The following ELMO1 variants were observed in gnomAD, a reference collection of about 807,000 sequenced individuals.
The protein encoded by ELMO1 is engulfment and cell motility protein 1.
A neutral mutation model predicts 98.9 loss-of-function variants in ELMO1; 26 were observed. The observed-to-expected ratio is 0.26, with a 90% CI of 0.19 to 0.36. ELMO1 has a LOEUF of 0.36. Ranked by LOEUF, ELMO1 falls within the 10% of genes least tolerant of loss-of-function variation. The probability of loss-of-function intolerance (pLI) is 1.00; values close to 1 mark genes in which losing one functional copy is unlikely to be tolerated. For synonymous variants in ELMO1, 346 were observed against 346.0 expected (o/e 1.00, Z 0.00); for missense variants, 627 against 935.2 (o/e 0.67, Z 4.30).
chr7:37,281,255 TA>T (rs142763723), intron 4 of ELMO1, among the ~76,000 whole-genome samples: 18 of 151,408 alleles, frequency 1.2e-4, no homozygotes, highest in Non-Finnish European at 2.4e-4. Context: ...GGGTGAGGGA[TA>T]AAAAAACTAC....
At chr7:37,053,739 T>A (rs1796245159) in intron 15 of ELMO1, among the ~76,000 whole-genome samples, 2 of 152,182 alleles carry the variant, frequency 1.3e-5, no homozygotes, top group South Asian at 4.1e-4. Flanking sequence ...GACAGGGTTG[T>A]CAACAAAAAT....
intron 7 of ELMO1, among the ~76,000 whole-genome samples, chr7:37,234,631 G>A (rs1419539107): frequency 1.3e-5 from 2 of 152,318 alleles, no homozygotes; most frequent in African/African-American, 4.8e-5. Flanking sequence ...AAGTGGGCAA[G>A]TTATGCACCA....
In ELMO1 at chr7:37,340,692, G is replaced by A. The variant is rs909591018; in HGVS notation, c.78+1921C>T. On this transcript the variant is annotated intron_variant, in intron 2 of 21. Transcript: ENST00000310758. ...ATAAATGTAAGCATATACAATCTTT[G>A]TAATTTTCTGTAAATCTAAAATTAT... is the stretch of plus-strand genomic sequence containing the variant. Among the ~76,000 whole-genome samples, 4 of 152,124 alleles carry A rather than the reference G, an allele frequency of 2.6e-5. No individual in the cohort carries two copies. The East Asian group carries it at 7.7e-4, about 29-fold the overall frequency.
intron 13 of ELMO1, among the ~76,000 whole-genome samples, chr7:37,149,430 C>G: frequency 6.6e-6 from 1 of 152,090 alleles, no homozygotes; most frequent in East Asian, 1.9e-4. Context: ...GAGCCAAATG[C>G]TTTTTGTACA....
At chr7:36,866,105 A>G (rs1803014759) in intron 20 of ELMO1, among the ~76,000 whole-genome samples, 1 of 152,236 alleles carries the variant, frequency 6.6e-6, no homozygotes, top group African/African-American at 2.4e-5. Flanking sequence ...TGGTGATTTC[A>G]TGTTGACTGT....
At chr7:37,143,296 C>A (rs991895762) in intron 13 of ELMO1, among the ~76,000 whole-genome samples, 2 of 152,202 alleles carry the variant, frequency 1.3e-5, no homozygotes, top group Non-Finnish European at 2.9e-5. Context: ...GGGCTTTTAA[C>A]CAGGTTGATC....
rs1799072931 is a variant in ELMO1, at chr7:37,314,861, T to C, written c.181A>G (p.Ile61Val). The C allele has an allele frequency of 3.7e-6, 6 of 1,613,388 alleles. No individual in the cohort carries two copies. Among genetic ancestry groups the C allele is most frequent in the African/African-American group, 1.3e-5 (1 of 74,900 alleles). ...TGTAGTTGACCTACCTTTTCTGTGA[T>C]ATAGAAGTTTGAACTATCGGCATGC... is the stretch of plus-strand genomic sequence containing the variant. ...LQHADSSNFY[I>V]TEKNRNEIKN... is the part of the protein sequence containing the mutation. Residue 61 changes from isoleucine (I) to valine (V), a missense_variant, in exon 4 of 22, where the codon ATC becomes GTC. Physicochemically the swap from Ile to Val is conservative, Grantham distance 29. Around this residue, in one of 3 missense-constraint regions of ELMO1, gnomAD observed 123 missense variants for 171.2 expected, o/e 0.72. Coordinates refer to ENST00000310758, the MANE Select transcript of ELMO1 (RefSeq NM_014800.11).
chr7:37,239,842 T>C (rs1794667432), intron 7 of ELMO1, among the ~76,000 whole-genome samples: 1 of 152,182 alleles, frequency 6.6e-6, no homozygotes, highest in East Asian at 1.9e-4. Context: ...AAATGCTGCC[T>C]TTGGAGAGTA....
intron 13 of ELMO1, among the ~76,000 whole-genome samples, chr7:37,178,187 T>C (rs1055678865): frequency 1.4e-4 from 22 of 151,968 alleles, no homozygotes; most frequent in African/African-American, 5.1e-4. Flanking sequence ...GGACTCACAG[T>C]GCCACGTGGC....
At chr7:37,105,420 A>G (rs1784889063) in intron 14 of ELMO1, among the ~76,000 whole-genome samples, 1 of 152,218 alleles carries the variant, frequency 6.6e-6, no homozygotes, top group Admixed American at 6.5e-5. Flanking sequence ...CCTGGCCCCA[A>G]GGATGGGTAC....
At chr7:37,110,140 C>T (rs1785169381) in intron 14 of ELMO1, among the ~76,000 whole-genome samples, 1 of 152,232 alleles carries the variant, frequency 6.6e-6, no homozygotes, top group African/African-American at 2.4e-5. Context: ...GTTGAAATAT[C>T]AGGGAGATTA....
intron 1 of ELMO1, among the ~76,000 whole-genome samples, chr7:37,354,840 T>C (rs1801431071): frequency 1.3e-5 from 2 of 152,078 alleles, no homozygotes; most frequent in African/African-American, 4.8e-5. Flanking sequence ...ACATTCAAAG[T>C]TTCCAAACCT....
intron 15 of ELMO1, among the ~76,000 whole-genome samples, chr7:37,023,138 G>A (rs974151396): frequency 6.6e-6 from 1 of 152,164 alleles, no homozygotes; most frequent in African/African-American, 2.4e-5. Flanking sequence ...GGCCCAAGAG[G>A]GGGCCTCTGA....
intron 1 of ELMO1, among the ~76,000 whole-genome samples, chr7:37,362,217 G>GATAT (rs34013669): frequency 2.2e-4 from 20 of 89,886 alleles, no homozygotes; most frequent in South Asian, 1.4e-3. Context: ...AAATGTATAT[G>GATAT]ATATATATAT....
chr7:37,121,354 C>T (rs200957141), intron 14 of ELMO1, among the ~76,000 whole-genome samples: 33 of 152,242 alleles, frequency 2.2e-4, no homozygotes, highest in African/African-American at 5.5e-4. Flanking sequence ...TCGAACCCAT[C>T]GCAAAGAAGT....
intron 14 of ELMO1, among the ~76,000 whole-genome samples, chr7:37,109,655 T>A (rs939916631): frequency 6.6e-6 from 1 of 152,166 alleles, no homozygotes; most frequent in Non-Finnish European, 1.5e-5. Flanking sequence ...TCGTGTTTCC[T>A]AGGTGATGAC....
At chr7:37,321,302 G>A (rs1344256908) in intron 2 of ELMO1, among the ~76,000 whole-genome samples, 1 of 152,134 alleles carries the variant, frequency 6.6e-6, no homozygotes, top group African/African-American at 2.4e-5. Flanking sequence ...TTGCCCAAAA[G>A]GTTACGTAAG....
intron 16 of ELMO1, among the ~76,000 whole-genome samples, chr7:36,916,206 T>A (rs1310196820): frequency 1.3e-5 from 2 of 152,190 alleles, no homozygotes; most frequent in African/African-American, 4.8e-5. Flanking sequence ...TTAATTTAGG[T>A]AATTCTTTTG....
At chr7:36,927,176 C>A (rs181953810) in intron 16 of ELMO1, among the ~76,000 whole-genome samples, 12 of 152,050 alleles carry the variant, frequency 7.9e-5, no homozygotes, top group African/African-American at 2.9e-4. Flanking sequence ...ACAAGAAAAC[C>A]GAGGCAACTT....
Sources: allele counts gnomAD v4.1 joint callset (sites outside exome capture counted in the v4.1 genomes callset), GRCh38; gene constraint gnomAD v4.1.1; regional missense constraint gnomAD v4.1.1; transcripts MANE v1.5; gene names NCBI Gene and HGNC (gene_info 2026-07-23, HGNC 2026-07-21).